EDA: variants seen among roughly 807,000 people sequenced by gnomAD.
EDA encodes ectodysplasin-A.
In EDA, 2 loss-of-function variants were observed where a neutral mutation model predicts 23.6. The observed-to-expected ratio is 0.08, with a 90% CI of 0.03 to 0.27. The LOEUF (loss-of-function observed/expected upper bound fraction) is 0.27. Ranked by LOEUF, EDA falls within the 10% of genes least tolerant of loss-of-function variation. The pLI, the probability that EDA is intolerant of heterozygous loss-of-function variation, is 1.00. For missense variants in EDA, 229 were observed against 324.2 expected, an observed-to-expected ratio of 0.71 and a Z score of 2.26; for synonymous variants, 131 against 132.0, an observed-to-expected ratio of 0.99 and a Z score of 0.05.
intron 1 of EDA, among the ~76,000 whole-genome samples, chrX:69,673,499 G>A (rs184095899): frequency 7.4e-4 from 82 of 110,915 alleles, no homozygotes; most frequent in African/African-American, 2.4e-3. Context: ...CAGCATATTC[G>A]GTATGCTATA....
chrX:69,927,937 G>T (rs1019558660), intron 1 of EDA, among the ~76,000 whole-genome samples: 3 of 110,862 alleles, frequency 2.7e-5, no homozygotes, highest in Non-Finnish European at 3.8e-5. Context: ...AATAGTAATT[G>T]TCTAAATCAA....
intron 1 of EDA, among the ~76,000 whole-genome samples, chrX:69,941,102 T>C (rs968974988): frequency 8.9e-5 from 10 of 112,088 alleles, no homozygotes; most frequent in African/African-American, 1.3e-4. Flanking sequence ...GTTATTGATT[T>C]CTAGTTTTAT....
intron 1 of EDA, among the ~76,000 whole-genome samples, chrX:69,713,531 C>T (rs1602325244): frequency 9.0e-6 from 1 of 111,616 alleles, no homozygotes; most frequent in African/African-American, 3.3e-5. Context: ...CCTCCCTTTA[C>T]CCCATGTCTA....
chrX:69,929,706 TTGTGTGTGTGTGTGTGTGTG>T (rs4007701), intron 1 of EDA, among the ~76,000 whole-genome samples: 17 of 84,339 alleles, frequency 2.0e-4, no homozygotes, highest in African/African-American at 4.9e-4. Context: ...CATTCTATTT[TTGTGTGTGTGTGTGTGTGTG>T]TGTGTGTGTG....
At chrX:69,849,572 G>C (rs2017082284) in intron 1 of EDA, among the ~76,000 whole-genome samples, 2 of 111,491 alleles carry the variant, frequency 1.8e-5, no homozygotes, top group African/African-American at 6.5e-5. Context: ...GTTACAACTT[G>C]AGCCTACAAG....
At chrX:70,026,487 T>A (rs1252107407) in intron 3 of EDA, among the ~76,000 whole-genome samples, 1 of 111,823 alleles carries the variant, frequency 8.9e-6, no homozygotes, top group Non-Finnish European at 1.9e-5. Flanking sequence ...GAGGAAAGAC[T>A]TTGGGAAGCT....
chrX:69,992,339 C>T (rs2147467221), intron 2 of EDA, among the ~76,000 whole-genome samples: 1 of 112,156 alleles, frequency 8.9e-6, no homozygotes, highest in Admixed American at 9.4e-5. Context: ...GGCATCTTGT[C>T]CCAGAACCAG....
At chrX:69,874,716 T>C (rs2017617810) in intron 1 of EDA, among the ~76,000 whole-genome samples, 1 of 111,718 alleles carries the variant, frequency 9.0e-6, no homozygotes, top group Admixed American at 9.5e-5. Context: ...ACTGATTATA[T>C]GGTCATATAC....
intron 2 of EDA, among the ~76,000 whole-genome samples, chrX:69,957,901 G>A (rs769602245): frequency 8.9e-6 from 1 of 111,832 alleles, no homozygotes; most frequent in South Asian, 3.8e-4. Context: ...AGACCTTCTA[G>A]AACTAGTTTA....
chrX:69,808,667 G>A (rs912896745), intron 1 of EDA, among the ~76,000 whole-genome samples: 2 of 111,728 alleles, frequency 1.8e-5, no homozygotes, highest in African/African-American at 3.3e-5. Flanking sequence ...AAATGTCTTC[G>A]ATGATAGTGC....
At position 69,831,302 on chromosome X, in the gene EDA, C is replaced by T. The variant is rs184562112; in HGVS notation, c.397-125725C>T. Among the ~76,000 whole-genome samples, 38 of 111,717 alleles carry T rather than the reference C, an allele frequency of 3.4e-4. No homozygotes were observed. The East Asian group carries it at 7.3e-3, about 22-fold the overall frequency. The stretch of plus-strand genomic sequence containing the variant: ...GTCCCCACCTATGAGTGAGAAGATG[C>T]GGTGTTTGGATTTCTGTCCTTGTGA... On this transcript the variant is annotated intron_variant, in intron 1 of 7. Transcript: ENST00000374552.
chrX:69,762,458 G>A (rs542619363), intron 1 of EDA, among the ~76,000 whole-genome samples: 8 of 111,308 alleles, frequency 7.2e-5, no homozygotes, highest in African/African-American at 1.3e-4. Context: ...CTATCCACGC[G>A]GCATTGTTCC....
At chrX:69,975,137 C>A (rs186410349) in intron 2 of EDA, among the ~76,000 whole-genome samples, 7 of 111,578 alleles carry the variant, frequency 6.3e-5, no homozygotes, top group African/African-American at 2.3e-4. Context: ...AGAAAATAAA[C>A]CATTCTACCA....
chrX:69,826,105 A>T (rs1291020117), intron 1 of EDA, among the ~76,000 whole-genome samples: 3 of 109,896 alleles, frequency 2.7e-5, no homozygotes, highest in African/African-American at 1.0e-4. Context: ...TGCTGAGGAG[A>T]GCTTTACTTC....
At chrX:69,712,774 C>T (rs775997984) in intron 1 of EDA, among the ~76,000 whole-genome samples, 62 of 111,070 alleles carry the variant, frequency 5.6e-4, no homozygotes, top group South Asian at 1.2e-3. Flanking sequence ...ATGTTTATTG[C>T]GGCACTATTC....
chrX:69,910,597 C>A (rs1316339775), intron 1 of EDA, among the ~76,000 whole-genome samples: 9 of 110,525 alleles, frequency 8.1e-5, no homozygotes, highest in African/African-American at 3.0e-4. Context: ...CCTTAGCTTT[C>A]ATCTTACAGG....
chrX:69,766,108 G>C (rs2804392), intron 1 of EDA, among the ~76,000 whole-genome samples: 4 of 110,717 alleles, frequency 3.6e-5, no homozygotes, highest in Middle Eastern at 4.3e-3. Context: ...GATGTACCAC[G>C]GTTTGCTCAA....
intron 2 of EDA, among the ~76,000 whole-genome samples, chrX:69,977,431 T>C (rs1458077822): frequency 8.9e-6 from 1 of 112,020 alleles, no homozygotes; most frequent in Non-Finnish European, 1.9e-5. Flanking sequence ...AGAGACCATG[T>C]CTAGGTCTAA....
At chrX:69,848,350 A>G (rs1444809445) in intron 1 of EDA, among the ~76,000 whole-genome samples, 1 of 111,289 alleles carries the variant, frequency 9.0e-6, no homozygotes, top group East Asian at 2.8e-4. Flanking sequence ...TTATTGTAAG[A>G]ATTCAGGGAT....
Sources: gnomAD v4.1 joint callset for allele counts (sites outside exome capture counted in the v4.1 genomes callset) on GRCh38, gnomAD v4.1.1 for gene constraint, MANE v1.5 for transcripts, NCBI Gene and HGNC (gene_info 2026-07-23, HGNC 2026-07-21) for gene names.